Variants in ANK2 observed in about 807,000 individuals in gnomAD.
The protein encoded by ANK2 is ankyrin-2.
In ANK2, 83 loss-of-function variants were observed where a neutral mutation model predicts 360.5. The ratio of observed to expected loss-of-function variants is 0.23; its 90% CI spans 0.19 to 0.28. The LOEUF (loss-of-function observed/expected upper bound fraction) is 0.28. Among genes scored for constraint, ANK2 ranks in the 10% least tolerant of loss-of-function variants. The probability of loss-of-function intolerance (pLI) is 1.00; values close to 1 mark genes in which losing one functional copy is unlikely to be tolerated. For missense variants in ANK2, 4,201 were observed against 4,795.7 expected (o/e 0.88, Z 3.66); for synonymous variants, 1,740 against 1,759.5 (o/e 0.99, Z 0.28).
the ANK2 span, among the ~76,000 whole-genome samples, chr4:112,777,468 C>T: frequency 1.3e-5 from 2 of 151,948 alleles, no homozygotes; most frequent in Non-Finnish European, 2.9e-5. Flanking sequence ...GTCTTGATCT[C>T]CTGACCTCGT....
intron 2 of ANK2, among the ~76,000 whole-genome samples, chr4:112,910,357 G>C (rs2086702142): frequency 6.6e-6 from 1 of 152,186 alleles, no homozygotes; most frequent in Non-Finnish European, 1.5e-5. Flanking sequence ...TTATAGGAAG[G>C]ACCTGTCACA....
rs756674393 is a variant in ANK2, at chr4:113,341,763, C to T, written c.3969C>T (p.Cys1323=). The stretch of plus-strand genomic sequence containing the variant: ...CACAAGTATACAGAGAAATTATCTG[C>T]GTACCTTATATGGCCAAATTTGTAG... ...FASQVYREII[C]VPYMAKFVVF... is the part of the protein sequence containing the mutation. Residue 1323 remains cysteine (C), a synonymous_variant, in exon 33 of 46, where the codon TGC becomes TGT. Coordinates refer to ENST00000357077, the MANE Select transcript of ANK2 (RefSeq NM_001148.6). 2.1e-5 allele frequency: 34 copies of T among 1,613,956 alleles called. 1 individual carries two copies. The highest frequency in any genetic ancestry group is 4.4e-5 in the South Asian group (4 of 91,094).
intron 4 of ANK2, among the ~76,000 whole-genome samples, chr4:113,223,133 T>C (rs1318809151): frequency 6.6e-6 from 1 of 152,138 alleles, no homozygotes; most frequent in Non-Finnish European, 1.5e-5. Context: ...TGGTGACAAT[T>C]TGGGGATGTT....
intron 1 of ANK2, among the ~76,000 whole-genome samples, chr4:113,172,601 T>A (rs1338901993): frequency 6.6e-6 from 1 of 152,180 alleles, no homozygotes; most frequent in Non-Finnish European, 1.5e-5. Context: ...CCTCAGTAAA[T>A]GTTACCTATA....
At chr4:113,006,734 T>A (rs2053012526) in intron 2 of ANK2, among the ~76,000 whole-genome samples, 1 of 152,216 alleles carries the variant, frequency 6.6e-6, no homozygotes, top group African/African-American at 2.4e-5. Flanking sequence ...AATTTTAAAT[T>A]AAAAATTAAA....
intron 5 of ANK2, among the ~76,000 whole-genome samples, chr4:113,234,475 C>T (rs1032789968): frequency 3.3e-5 from 5 of 152,136 alleles, no homozygotes; most frequent in Non-Finnish European, 7.3e-5. Context: ...AATGCCTGCA[C>T]TAATGGTTAT....
At chr4:112,848,350 C>T (rs1038114833) in intron 1 of ANK2, among the ~76,000 whole-genome samples, 2 of 152,166 alleles carry the variant, frequency 1.3e-5, no homozygotes, top group African/African-American at 4.8e-5. Context: ...TTGGTAGAGA[C>T]AGGGTTTCAC....
At chr4:113,095,032 A>G (rs368409704) in intron 1 of ANK2, among the ~76,000 whole-genome samples, 38 of 152,350 alleles carry the variant, frequency 2.5e-4, no homozygotes, top group African/African-American at 8.7e-4. Flanking sequence ...AGCAATTTGC[A>G]CATCAGCTAA....
chr4:112,847,902 G>A (rs1338720440), intron 1 of ANK2, among the ~76,000 whole-genome samples: 3 of 152,090 alleles, frequency 2.0e-5, no homozygotes, highest in Non-Finnish European at 4.4e-5. Flanking sequence ...CATCTTCCCT[G>A]TTCTAGTCAC....
the ANK2 span, among the ~76,000 whole-genome samples, chr4:112,783,064 C>T: frequency 6.6e-6 from 1 of 151,992 alleles, no homozygotes; most frequent in Non-Finnish European, 1.5e-5. Context: ...CGTGCGCCAC[C>T]ATGCCTGGCT....
intron 2 of ANK2, among the ~76,000 whole-genome samples, chr4:112,940,179 A>C (rs1365040319): frequency 6.6e-6 from 1 of 152,190 alleles, no homozygotes; most frequent in Non-Finnish European, 1.5e-5. Flanking sequence ...TACAGCAAAC[A>C]AGAAAAACAC....
intron 2 of ANK2, among the ~76,000 whole-genome samples, chr4:112,985,832 G>A (rs1483925281): frequency 6.6e-6 from 1 of 151,906 alleles, no homozygotes; most frequent in Non-Finnish European, 1.5e-5. Flanking sequence ...GGGACTTGGA[G>A]GAAAGGGTGA....
At chr4:112,915,415 C>A (rs2089408987) in intron 2 of ANK2, among the ~76,000 whole-genome samples, 1 of 152,130 alleles carries the variant, frequency 6.6e-6, no homozygotes, top group South Asian at 2.1e-4. Flanking sequence ...AAAATGGGGT[C>A]TATTTTAAAT....
At chr4:112,946,873 T>G (rs958156801) in intron 2 of ANK2, among the ~76,000 whole-genome samples, 5 of 152,230 alleles carry the variant, frequency 3.3e-5, no homozygotes, top group Non-Finnish European at 7.3e-5. Flanking sequence ...AACATGTGCT[T>G]TCTTTTAAAA....
chr4:113,166,846 G>T (rs111979954), intron 1 of ANK2, among the ~76,000 whole-genome samples: 1 of 151,940 alleles, frequency 6.6e-6, no homozygotes, highest in Non-Finnish European at 1.5e-5. Context: ...TGAAGAACAG[G>T]GGAGTAATGC....
chr4:113,286,875 G>A (rs17530377), intron 18 of ANK2, among the ~76,000 whole-genome samples: 13,303 of 152,142 alleles, frequency 0.087, 1,077 homozygotes, highest in African/African-American at 0.22. Flanking sequence ...GAAAACACCC[G>A]TAAACATGTA....
intron 1 of ANK2, among the ~76,000 whole-genome samples, chr4:113,093,943 T>G (rs2089816742): frequency 6.6e-6 from 1 of 152,192 alleles, no homozygotes; most frequent in Non-Finnish European, 1.5e-5. Context: ...TTGTAACTCT[T>G]CTTTGCTTGA....
chr4:113,044,998 G>A (rs939566273), upstream of ANK2, among the ~76,000 whole-genome samples: 1 of 152,114 alleles, frequency 6.6e-6, no homozygotes, highest in Admixed American at 6.6e-5. Flanking sequence ...CCTTTTGAGG[G>A]CTTTAGAGAA....
chr4:113,266,817 C>T (rs531998427), intron 14 of ANK2, among the ~76,000 whole-genome samples: 21 of 152,158 alleles, frequency 1.4e-4, no homozygotes, highest in East Asian at 1.9e-4. Flanking sequence ...GCGGAGGTTG[C>T]GGTGAGCTGA....
Sources: gnomAD v4.1 joint callset for allele counts (sites outside exome capture counted in the v4.1 genomes callset) on GRCh38, gnomAD v4.1.1 for gene constraint, MANE v1.5 for transcripts, NCBI Gene and HGNC (gene_info 2026-07-23, HGNC 2026-07-21) for gene names.